Variants in FAM171A1 observed in about 807,000 individuals in gnomAD.
FAM171A1 encodes family with sequence similarity 171 member A1.
FAM171A1 carries 23 observed loss-of-function variants against 74.9 expected under a neutral mutation model. That is an observed-to-expected ratio of 0.31 (90% confidence interval 0.22 to 0.44). FAM171A1 has a LOEUF of 0.44. Ranked by LOEUF, FAM171A1 falls within the 20% of genes least tolerant of loss-of-function variation. The pLI is 1.00. For missense variants in FAM171A1, 1,162 were observed against 1,159.2 expected (o/e 1.00, Z -0.03); for synonymous variants, 527 against 505.7 (o/e 1.04, Z -0.57).
intron 1 of FAM171A1, among the ~76,000 whole-genome samples, chr10:15,353,487 G>A (rs1415843165): frequency 1.3e-5 from 2 of 151,954 alleles, no homozygotes; most frequent in East Asian, 3.9e-4. Context: ...ACCCTAAATA[G>A]ACGTATGGCT....
intron 3 of FAM171A1, among the ~76,000 whole-genome samples, chr10:15,263,967 C>T (rs1250152774): frequency 6.6e-6 from 1 of 151,840 alleles, no homozygotes; most frequent in African/African-American, 2.4e-5. Flanking sequence ...ATCTACCTAC[C>T]TACCTACCAA....
intron 1 of FAM171A1, among the ~76,000 whole-genome samples, chr10:15,316,603 C>T (rs1285501405): frequency 6.6e-6 from 1 of 152,164 alleles, no homozygotes; most frequent in Non-Finnish European, 1.5e-5. Context: ...TTTGTGCTTG[C>T]CTTTCAATAA....
Position 15,213,960 on chromosome 10 carries a change from C to A in FAM171A1, c.1628G>T (p.Arg543Leu). 4.3e-6 allele frequency: 7 copies of A among 1,614,132 alleles called. No individual in the cohort carries two copies. The highest frequency in any genetic ancestry group is 5.9e-6 in the Non-Finnish European group (7 of 1,180,014). Residue 543 changes from arginine to leucine, a missense_variant, in exon 8 of 8, where the codon CGA (arginine) becomes CTA (leucine). Arg to Leu is a moderately radical substitution (Grantham distance 102, BLOSUM62 -2). Transcript: ENST00000378116. The surrounding 1 kb of genome is among the most constrained non-coding windows in gnomAD (Gnocchi z 6.8). The part of the protein sequence containing the change: ...DRRPTECMMS[R>L]SVDHLERPTS... ...AGGTCTCTCGAGGTGATCTACTGAT[C>A]GCGACATCATACATTCAGTGGGTCT...
chr10:15,312,165 C>T (rs961685502), intron 1 of FAM171A1, among the ~76,000 whole-genome samples: 5 of 152,284 alleles, frequency 3.3e-5, no homozygotes, highest in African/African-American at 9.6e-5. Context: ...CCTTTTGAAT[C>T]GGACCAGATC....
chr10:15,245,466 A>G (rs1441119935), intron 5 of FAM171A1, among the ~76,000 whole-genome samples: 6 of 152,200 alleles, frequency 3.9e-5, no homozygotes, highest in Non-Finnish European at 8.8e-5. Flanking sequence ...AGCCTTCCCA[A>G]TTGTGTGAGC....
upstream of FAM171A1, among the ~76,000 whole-genome samples, chr10:15,372,712 A>AAT (rs1836164822): frequency 6.6e-6 from 1 of 151,444 alleles, no homozygotes; most frequent in Non-Finnish European, 1.5e-5. Context: ...AAAAAAAAAA[A>AAT]AAAAAAATCA....
At chr10:15,292,887 A>G (rs1835119026) in intron 1 of FAM171A1, among the ~76,000 whole-genome samples, 1 of 130,320 alleles carries the variant, frequency 7.7e-6, no homozygotes, top group Non-Finnish European at 1.6e-5. Context: ...TATATCATCT[A>G]ATACCCAGCA....
intron 5 of FAM171A1, among the ~76,000 whole-genome samples, chr10:15,242,121 A>G (rs1359503972): frequency 1.3e-5 from 2 of 152,220 alleles, no homozygotes; most frequent in African/African-American, 4.8e-5. Flanking sequence ...CTGTAATCAT[A>G]AATAGCAGCT....
At chr10:15,241,161 C>T (rs1834359871) in intron 5 of FAM171A1, 2 of 152,196 alleles carry the variant, frequency 1.3e-5, no homozygotes, top group Admixed American at 6.6e-5. Context: ...TGAGGTCTGG[C>T]CCTACAATGA....
chr10:15,219,065 C>T (rs547151001), intron 6 of FAM171A1, among the ~76,000 whole-genome samples: 116 of 152,146 alleles, frequency 7.6e-4, no homozygotes, highest in South Asian at 2.7e-3. Context: ...GGGGGATCAC[C>T]GGAGGTCAGA....
chr10:15,290,586 G>A (rs1209446160), intron 1 of FAM171A1, among the ~76,000 whole-genome samples: 1 of 152,166 alleles, frequency 6.6e-6, no homozygotes, highest in Admixed American at 6.5e-5. Flanking sequence ...TGACCCTCAG[G>A]AGCTTTAGCT....
chr10:15,248,814 T>C lies in FAM171A1; in HGVS notation c.579A>G (p.Gly193=). Residue 193 remains glycine (G), a splice_region_variant and synonymous_variant, in exon 5 of 8, where the codon GGA becomes GGG. Coordinates refer to ENST00000378116, the MANE Select transcript of FAM171A1 (RefSeq NM_001010924.2). ...GGGTCAGGTCATGCCTGGTGCTGTT[T>C]CCTAGAAGGAAGAGGCATTTTCCAT... is the stretch of plus-strand genomic sequence containing the variant. ...YLRGLDGNGT[G]NSTRHDLTPV... 1 of 1,602,496 alleles carries C rather than the reference T, an allele frequency of 6.2e-7. No homozygotes were observed. The highest frequency in any genetic ancestry group is 8.5e-7 in the Non-Finnish European group (1 of 1,174,316).
chr10:15,351,608 G>A (rs28379054), intron 1 of FAM171A1, among the ~76,000 whole-genome samples: 1 of 123,034 alleles, frequency 8.1e-6, no homozygotes, highest in Non-Finnish European at 1.8e-5. Context: ...TGGATGGATG[G>A]ATGCATGGAT....
intron 5 of FAM171A1, among the ~76,000 whole-genome samples, chr10:15,233,325 A>T (rs76764584): frequency 0.016 from 2,352 of 151,436 alleles, 59 homozygotes; most frequent in African/African-American, 0.053. Flanking sequence ...ACAAAAAAAC[A>T]TTTTTTTTCC....
chr10:15,232,250 G>A lies in FAM171A1; in HGVS notation c.755-11190C>T, dbSNP rs141779745. 1.5e-3 allele frequency among the ~76,000 whole-genome samples: 227 copies of A among 152,238 alleles called. 1 individual carries two copies. The highest frequency in any genetic ancestry group is 5.1e-3 in the African/African-American group (211 of 41,550). ...TGTCCTGTCCCCGAGATAAGCCCACGTTAGGATTCTGGGTGTTGTTAGGAT... is the reference window on the plus strand; with the variant it reads ...TGTCCTGTCCCCGAGATAAGCCCACATTAGGATTCTGGGTGTTGTTAGGAT... On this transcript the variant is annotated intron_variant, in intron 5 of 7. Coordinates refer to ENST00000378116, the MANE Select transcript of FAM171A1 (RefSeq NM_001010924.2).
intron 1 of FAM171A1, among the ~76,000 whole-genome samples, chr10:15,325,612 G>A (rs1370134169): frequency 1.3e-5 from 2 of 152,132 alleles, no homozygotes; most frequent in Non-Finnish European, 2.9e-5. Context: ...CCATTATGCT[G>A]GAACTCACTT....
upstream of FAM171A1, among the ~76,000 whole-genome samples, chr10:15,373,351 A>G (rs906904115): frequency 2.0e-5 from 3 of 152,244 alleles, no homozygotes; most frequent in African/African-American, 7.2e-5. Context: ...CTATTTCCTC[A>G]TAACAACTTA....
chr10:15,331,866 TATGTGTGTGTATAC>T (rs1333450086), intron 1 of FAM171A1, among the ~76,000 whole-genome samples: 796 of 57,004 alleles, frequency 0.014, 43 homozygotes, highest in African/African-American at 0.054. Context: ...TGTGTATATA[TATGTGTGTGTATAC>T]ATATATATAT....
chr10:15,318,440 C>A (rs139636490), intron 1 of FAM171A1, among the ~76,000 whole-genome samples: 4 of 152,282 alleles, frequency 2.6e-5, no homozygotes, highest in East Asian at 1.9e-4. Flanking sequence ...TAAGTCTATA[C>A]AGAAAAAGGC....
Sources: allele counts gnomAD v4.1 joint callset (sites outside exome capture counted in the v4.1 genomes callset), GRCh38; gene constraint gnomAD v4.1.1; non-coding constraint Gnocchi (gnomAD v3.1); transcripts MANE v1.5; gene names NCBI Gene and HGNC (gene_info 2026-07-23, HGNC 2026-07-21).